RAB8B: variants seen among roughly 807,000 people sequenced by gnomAD.
The protein encoded by RAB8B is ras-related protein Rab-8B.
Under a neutral mutation model 32.0 loss-of-function variants are expected in RAB8B, and 11 were observed. That is an observed-to-expected ratio of 0.34 (90% CI 0.22 to 0.57). The LOEUF (loss-of-function observed/expected upper bound fraction) is 0.57, where lower values mean the gene tolerates loss of function less well. Ranked by LOEUF, RAB8B falls within the 20% of genes least tolerant of loss-of-function variation. RAB8B has a pLI of 0.86. For missense variants in RAB8B, 190 were observed against 258.5 expected (o/e 0.73, Z 1.82); for synonymous variants, 103 against 89.6 (o/e 1.15, Z -0.85).
In RAB8B at chr15:63,244,752, G is replaced by A. The variant is rs778274270; in HGVS notation, c.125-4G>A. On this transcript the variant is annotated splice_polypyrimidine_tract_variant and splice_region_variant and intron_variant, in intron 1 of 7. Transcript: ENST00000321437. ...TAACATATCTTTCTTTGTTTTTCTG[G>A]CAGGAATTGATTTTAAAATTAGAAC... The A allele has an allele frequency of 2.6e-6, 4 of 1,560,744 alleles. No individual in the cohort carries two copies. In the South Asian group the frequency reaches 3.4e-5, roughly 13 times the overall value.
chr15:63,236,566 C>A (rs900089850), intron 1 of RAB8B, among the ~76,000 whole-genome samples: 2 of 151,500 alleles, frequency 1.3e-5, no homozygotes, highest in Non-Finnish European at 2.9e-5. Context: ...TATGTGCTGC[C>A]AAAAAATGAT....
intron 1 of RAB8B, among the ~76,000 whole-genome samples, chr15:63,234,490 C>A (rs888310155): frequency 3.3e-5 from 5 of 152,184 alleles, no homozygotes; most frequent in Admixed American, 1.3e-4. Context: ...TTCCAAGTTC[C>A]TTTTCCCTGT....
intron 5 of RAB8B, among the ~76,000 whole-genome samples, chr15:63,258,472 A>C (rs1309129513): frequency 6.6e-6 from 1 of 152,240 alleles, no homozygotes; most frequent in Non-Finnish European, 1.5e-5. Context: ...ATGAATCCCA[A>C]GATAATGGTA....
chr15:63,240,917 T>C (rs144233276), intron 1 of RAB8B, among the ~76,000 whole-genome samples: 8 of 151,942 alleles, frequency 5.3e-5, no homozygotes, highest in Admixed American at 2.0e-4. Flanking sequence ...GTGAAGGTGG[T>C]AAAGTTGCCC....
At chr15:63,239,435 CAG>C (rs1284529912) in intron 1 of RAB8B, among the ~76,000 whole-genome samples, 1 of 120,306 alleles carries the variant, frequency 8.3e-6, no homozygotes, top group Non-Finnish European at 1.6e-5. Flanking sequence ...TTTTTTGAGA[CAG>C]AGTCTCACTC....
In RAB8B at chr15:63,229,780, C is replaced by CAAAAAAAAAAA. The variant is rs56015501; in HGVS notation, c.125-14956_125-14946dup. Among the ~76,000 whole-genome samples, 24 of 35,984 alleles carry CAAAAAAAAAAA rather than the reference C, an allele frequency of 6.7e-4. 7 individuals carry two copies. The highest frequency in any genetic ancestry group is 1.7e-3 in the African/African-American group (19 of 11,182). 23.6% of individuals were successfully genotyped at this position (35,984 alleles called of 152,430 possible). A position where few individuals can be genotyped will look rare whatever the true frequency, so the allele number is the denominator to read the frequency against. ...TAGGTGACAGAGCAAGACGCTGTTTCAAAAAAAAAAAAAAAAAAAAAAAAA... is the reference window on the plus strand; with the variant it reads ...TAGGTGACAGAGCAAGACGCTGTTTCAAAAAAAAAAAAAAAAAAAAAAAAAAAAAAAAAAAA... On this transcript the variant is annotated intron_variant, in intron 1 of 7. Coordinates refer to ENST00000321437, the MANE Select transcript of RAB8B (RefSeq NM_016530.3).
rs757896648 is a variant in RAB8B, at chr15:63,259,740, A to G, written c.480+48A>G. The G allele has an allele frequency of 9.2e-6, 14 of 1,519,338 alleles. No homozygotes were observed. Among genetic ancestry groups the G allele is most frequent in the Non-Finnish European group, 1.3e-5 (14 of 1,095,820 alleles). 94.1% of individuals were successfully genotyped at this position (1,519,338 alleles called of 1,614,324 possible). A position where few individuals can be genotyped will look rare whatever the true frequency, so the allele number is the denominator to read the frequency against. ...CTGTTACGGAGCAGCACCAGTGCTTAGGGGCCTGTGTTCAAACAGCTCTCA... is the reference window on the plus strand; with the variant it reads ...CTGTTACGGAGCAGCACCAGTGCTTGGGGGCCTGTGTTCAAACAGCTCTCA... On this transcript the variant is annotated intron_variant, in intron 6 of 7. Coordinates refer to ENST00000321437, the MANE Select transcript of RAB8B (RefSeq NM_016530.3). The surrounding 1 kb of genome is among the most constrained non-coding windows in gnomAD (Gnocchi z 4.4).
chr15:63,214,306 T>TG (rs2037773701), intron 1 of RAB8B, among the ~76,000 whole-genome samples: 1 of 146,636 alleles, frequency 6.8e-6, no homozygotes, highest in African/African-American at 2.5e-5. Flanking sequence ...TTTTTTTTTT[T>TG]TTTGAGACGG....
In RAB8B at chr15:63,259,975, T is replaced by C. The variant is rs188852455; in HGVS notation, c.480+283T>C. Among the ~76,000 whole-genome samples, 2 of 152,188 alleles carry C rather than the reference T, an allele frequency of 1.3e-5. No individual in the cohort carries two copies. The highest frequency in any genetic ancestry group is 3.9e-4 in the East Asian group (2 of 5,172). ...TCAGCCTCCCGAGTAGCTGGTACTATAGGTGTGCATCACCACGCCCAGCTA... is the reference window on the plus strand; with the variant it reads ...TCAGCCTCCCGAGTAGCTGGTACTACAGGTGTGCATCACCACGCCCAGCTA... On this transcript the variant is annotated intron_variant, in intron 6 of 7. Transcript: ENST00000321437. The surrounding 1 kb of genome is among the most constrained non-coding windows in gnomAD (Gnocchi z 4.4).
chr15:63,227,033 C>G (rs1209679734), intron 1 of RAB8B, among the ~76,000 whole-genome samples: 1 of 152,078 alleles, frequency 6.6e-6, no homozygotes, highest in Non-Finnish European at 1.5e-5. Flanking sequence ...AGAGGTCACT[C>G]TTGTGGCCAT....
intron 1 of RAB8B, among the ~76,000 whole-genome samples, chr15:63,225,411 G>A (rs1267881448): frequency 2.6e-5 from 4 of 152,238 alleles, no homozygotes; most frequent in South Asian, 4.1e-4. Flanking sequence ...ATTTTAAGCC[G>A]AATTTGTTTC....
intron 1 of RAB8B, among the ~76,000 whole-genome samples, chr15:63,212,064 C>A (rs571036691): frequency 1.3e-5 from 2 of 152,238 alleles, no homozygotes; most frequent in African/African-American, 4.8e-5. Context: ...AACTCCTGGG[C>A]TCAAGCAGTC....
At chr15:63,256,390 G>GT in intron 4 of RAB8B, 115 bp from the exon 5 acceptor site, 1 of 710,120 alleles carries the variant, frequency 1.4e-6, no homozygotes, top group South Asian at 2.1e-5. Flanking sequence ...TAGGCCTTGT[G>GT]TGAGTAAAAG....
At chr15:63,215,529 C>T (rs867118052) in intron 1 of RAB8B, among the ~76,000 whole-genome samples, 9 of 152,130 alleles carry the variant, frequency 5.9e-5, no homozygotes, top group Admixed American at 6.5e-5. Context: ...TGATAGACTT[C>T]GCTACTTGTA....
At chr15:63,208,406 G>T (rs1472416598) in intron 1 of RAB8B, among the ~76,000 whole-genome samples, 1 of 152,084 alleles carries the variant, frequency 6.6e-6, no homozygotes, top group Non-Finnish European at 1.5e-5. Context: ...GTAATAGATG[G>T]TCATTATCTC....
intron 2 of RAB8B, among the ~76,000 whole-genome samples, chr15:63,247,797 GGGACTGAGAGT>G (rs1210875749): frequency 6.6e-6 from 1 of 152,180 alleles, no homozygotes; most frequent in Non-Finnish European, 1.5e-5. Flanking sequence ...GAAGGAAACA[GGGACTGAGAGT>G]GGTTAGGTCC....
intron 1 of RAB8B, among the ~76,000 whole-genome samples, chr15:63,215,410 T>C (rs2037784296): frequency 6.6e-6 from 1 of 152,226 alleles, no homozygotes; most frequent in African/African-American, 2.4e-5. Context: ...AACAAGTTTG[T>C]AAAGAGTAGG....
intron 1 of RAB8B, among the ~76,000 whole-genome samples, chr15:63,239,350 G>A (rs1468554411): frequency 6.6e-6 from 1 of 151,156 alleles, no homozygotes; most frequent in East Asian, 1.9e-4. Context: ...TTTTCTTATT[G>A]GAATAAGATT....
intron 1 of RAB8B, among the ~76,000 whole-genome samples, chr15:63,198,417 T>C (rs980723385): frequency 6.6e-6 from 1 of 152,164 alleles, no homozygotes; most frequent in Non-Finnish European, 1.5e-5. Flanking sequence ...CTGCTTGTTA[T>C]CATGTTCATC....
Sources: allele counts gnomAD v4.1 joint callset (sites outside exome capture counted in the v4.1 genomes callset), GRCh38; gene constraint gnomAD v4.1.1; non-coding constraint Gnocchi (gnomAD v3.1); transcripts MANE v1.5; gene names NCBI Gene and HGNC (gene_info 2026-07-23, HGNC 2026-07-21).